Variants in PITPNC1 observed in about 807,000 individuals in gnomAD.
PITPNC1 encodes phosphatidylinositol transfer protein cytoplasmic 1, also known as cytoplasmic phosphatidylinositol transfer protein 1.
A neutral mutation model predicts 44.7 loss-of-function variants in PITPNC1; 18 were observed. That is an observed-to-expected ratio of 0.40 (90% confidence interval 0.28 to 0.60). The LOEUF (loss-of-function observed/expected upper bound fraction) is 0.60, where lower values mean the gene tolerates loss of function less well. Among genes scored for constraint, PITPNC1 ranks in the 20% least tolerant of loss-of-function variants. The pLI, the probability that PITPNC1 is intolerant of heterozygous loss-of-function variation, is 0.39. For missense variants in PITPNC1, 290 were observed against 418.4 expected, an observed-to-expected ratio of 0.69 and a Z score of 2.68; for synonymous variants, 141 against 149.6, an observed-to-expected ratio of 0.94 and a Z score of 0.42.
Position 67,488,985 on chromosome 17 carries a change from A to G in PITPNC1, c.49-43817A>G, listed in dbSNP as rs2039823328. Among the ~76,000 whole-genome samples the G allele has an allele frequency of 2.0e-5, 3 of 152,156 alleles. No individual in the cohort carries two copies. The South Asian group carries it at 6.2e-4, about 32-fold the overall frequency. On this transcript the variant is annotated intron_variant, in intron 1 of 8. Transcript: ENST00000581322. The stretch of plus-strand genomic sequence containing the variant: ...CGGATATACCATGTTTTGTTCATCC[A>G]TCCATCCCTCCGTGGATGGACATGG...
intron 1 of PITPNC1, among the ~76,000 whole-genome samples, chr17:67,455,630 TG>T (rs1378191108): frequency 6.6e-6 from 1 of 151,824 alleles, no homozygotes; most frequent in Non-Finnish European, 1.5e-5. Flanking sequence ...TTAGTAGAGA[TG>T]GGGTTTCACC....
intron 1 of PITPNC1, among the ~76,000 whole-genome samples, chr17:67,434,429 G>A (rs1028333431): frequency 3.4e-4 from 52 of 151,834 alleles, no homozygotes; most frequent in African/African-American, 9.9e-4. Context: ...TTCCTTTTCC[G>A]GCTCCCACAG....
chr17:67,499,993 T>C (rs1022880467), intron 1 of PITPNC1, among the ~76,000 whole-genome samples: 1 of 152,256 alleles, frequency 6.6e-6, no homozygotes, highest in Admixed American at 6.5e-5. Flanking sequence ...GTATGCTCTT[T>C]CTCAATGTAT....
intron 1 of PITPNC1, among the ~76,000 whole-genome samples, chr17:67,473,942 CT>C (rs1387039970): frequency 1.3e-5 from 2 of 152,166 alleles, no homozygotes; most frequent in Non-Finnish European, 2.9e-5. Flanking sequence ...TTTGTTTCTT[CT>C]CCAGGTATTT....
chr17:67,542,819 G>A (rs1278625661), intron 2 of PITPNC1, among the ~76,000 whole-genome samples: 1 of 152,178 alleles, frequency 6.6e-6, no homozygotes, highest in Non-Finnish European at 1.5e-5. Flanking sequence ...ATTATTAGAG[G>A]CACTGGAAAT....
chr17:67,654,697 A>G (rs995777301), intron 6 of PITPNC1, among the ~76,000 whole-genome samples: 3 of 152,084 alleles, frequency 2.0e-5, no homozygotes, highest in East Asian at 1.9e-4. Context: ...CAGTGGTGCA[A>G]TCTTGGCTCA....
At position 67,652,049 on chromosome 17, in the gene PITPNC1, A is replaced by G. The variant is rs112934234; in HGVS notation, c.463-17459A>G. Reference sequence around the variant, plus strand: ...TTTTAGGGCTGAGGGTTATAGTTACATAATGTAGCAATTCCTGGCTGGAGT... The same window carrying G: ...TTTTAGGGCTGAGGGTTATAGTTACGTAATGTAGCAATTCCTGGCTGGAGT... On this transcript the variant is annotated intron_variant, in intron 6 of 8. Coordinates refer to ENST00000581322, the MANE Select transcript of PITPNC1 (RefSeq NM_012417.4). 1.3e-3 allele frequency among the ~76,000 whole-genome samples: 191 copies of G among 152,308 alleles called. 1 individual carries two copies. The highest frequency in any genetic ancestry group is 4.5e-3 in the African/African-American group (187 of 41,560).
chr17:67,502,119 A>G (rs775033693), intron 1 of PITPNC1, among the ~76,000 whole-genome samples: 1 of 152,024 alleles, frequency 6.6e-6, no homozygotes, highest in Non-Finnish European at 1.5e-5. Context: ...CGTGTTCTGC[A>G]CTCTGAAGAC....
chr17:67,578,253 A>G lies in PITPNC1; in HGVS notation c.362A>G (p.Asp121Gly), dbSNP rs767471189. 1 of 1,607,350 alleles carries G rather than the reference A, an allele frequency of 6.2e-7. No individual in the cohort carries two copies. Among genetic ancestry groups the G allele is most frequent in the African/African-American group, 1.3e-5 (1 of 74,908 alleles). Residue 121 changes from aspartate to glycine, a missense_variant, in exon 5 of 9, where the codon GAC (aspartate) becomes GGC (glycine). By Grantham distance (94) the Asp-to-Gly change is moderately conservative. Coordinates refer to ENST00000581322, the MANE Select transcript of PITPNC1 (RefSeq NM_012417.4). ...TATGAGGACAACAAAGGAAGCAATGACACCGTGAGTAGCCCCTCCTTCCAT... is the reference window on the plus strand; with the variant it reads ...TATGAGGACAACAAAGGAAGCAATGGCACCGTGAGTAGCCCCTCCTTCCAT... ...TKYEDNKGSN[D>G]TIFDNEAKDV... is the part of the protein sequence containing the mutation.
chr17:67,593,055 A>G (rs1447482341), intron 5 of PITPNC1, among the ~76,000 whole-genome samples: 1 of 152,152 alleles, frequency 6.6e-6, no homozygotes, highest in Non-Finnish European at 1.5e-5. Flanking sequence ...AAAGAAAGAA[A>G]AGAATGGATC....
At chr17:67,537,354 A>G (rs1371193606) in intron 2 of PITPNC1, among the ~76,000 whole-genome samples, 1 of 152,252 alleles carries the variant, frequency 6.6e-6, no homozygotes, top group Admixed American at 6.5e-5. Flanking sequence ...AGAATTCAGC[A>G]AGATTGTTGG....
intron 1 of PITPNC1, among the ~76,000 whole-genome samples, chr17:67,498,477 G>T (rs2039984918): frequency 6.6e-6 from 1 of 152,108 alleles, no homozygotes; most frequent in Non-Finnish European, 1.5e-5. Context: ...CCAACCCTTG[G>T]CTCTTGTGAA....
At chr17:67,495,073 T>TTTTTTTTTA in intron 1 of PITPNC1, among the ~76,000 whole-genome samples, 1 of 126,794 alleles carries the variant, frequency 7.9e-6, no homozygotes. Flanking sequence ...TTTTTTTTTT[T>TTTTTTTTTA]TGAGACGGAG....
chr17:67,450,029 A>G (rs1044148049), intron 1 of PITPNC1, among the ~76,000 whole-genome samples: 1 of 152,208 alleles, frequency 6.6e-6, no homozygotes, highest in Non-Finnish European at 1.5e-5. Flanking sequence ...CTGTCTGGCA[A>G]TGAGATAAGC....
At chr17:67,642,939 G>A (rs1023299345) in intron 6 of PITPNC1, among the ~76,000 whole-genome samples, 2 of 152,108 alleles carry the variant, frequency 1.3e-5, no homozygotes, top group Non-Finnish European at 2.9e-5. Context: ...CAGAGCAGCA[G>A]TTGCAAATCC....
At chr17:67,433,421 A>G (rs919104126) in intron 1 of PITPNC1, among the ~76,000 whole-genome samples, 1 of 152,188 alleles carries the variant, frequency 6.6e-6, no homozygotes, top group Admixed American at 6.5e-5. Flanking sequence ...ATGGAGGGCA[A>G]GCCAGCCCCG....
intron 6 of PITPNC1, among the ~76,000 whole-genome samples, chr17:67,642,790 A>G (rs928851140): frequency 6.6e-6 from 1 of 152,132 alleles, no homozygotes; most frequent in Non-Finnish European, 1.5e-5. Context: ...TTTTACTGGG[A>G]TTACTACAAA....
At chr17:67,572,415 G>T (rs943864700) in intron 4 of PITPNC1, among the ~76,000 whole-genome samples, 1 of 140,170 alleles carries the variant, frequency 7.1e-6, no homozygotes, top group Non-Finnish European at 1.5e-5. Flanking sequence ...AGCATTATTT[G>T]AGCAAACCTA....
intron 4 of PITPNC1, among the ~76,000 whole-genome samples, chr17:67,575,098 C>T (rs1372860100): frequency 1.3e-5 from 2 of 151,932 alleles, no homozygotes; most frequent in African/African-American, 2.4e-5. Flanking sequence ...TCTGGTGCAC[C>T]GAGACCCACA....
Sources: allele counts gnomAD v4.1 joint callset (sites outside exome capture counted in the v4.1 genomes callset), GRCh38; gene constraint gnomAD v4.1.1; transcripts MANE v1.5; gene names NCBI Gene and HGNC (gene_info 2026-07-23, HGNC 2026-07-21).